The following PIWIL2 variants were observed in gnomAD, a reference collection of about 807,000 sequenced individuals.
PIWIL2 encodes the protein piwi-like protein 2.
In PIWIL2, 81 loss-of-function variants were observed where a neutral mutation model predicts 116.5. The ratio of observed to expected loss-of-function variants is 0.70; its 90% CI spans 0.58 to 0.84. PIWIL2 has a LOEUF of 0.84. Ranked by LOEUF, PIWIL2 falls within the 40% of genes least tolerant of loss-of-function variation. PIWIL2 has a pLI of 0.00. For missense variants in PIWIL2, 1,272 were observed against 1,212.3 expected (o/e 1.05, Z -0.73); for synonymous variants, 489 against 429.5 (o/e 1.14, Z -1.71).
At chr8:22,321,528 C>T (rs1831599514) in intron 20 of PIWIL2, among the ~76,000 whole-genome samples, 1 of 151,740 alleles carries the variant, frequency 6.6e-6, no homozygotes, top group African/African-American at 2.4e-5. Context: ...AACTGTTTTG[C>T]AAAATGAAGA....
chr8:22,337,745 TAATA>T (rs1412576532), intron 20 of PIWIL2, among the ~76,000 whole-genome samples: 13 of 151,552 alleles, frequency 8.6e-5, no homozygotes, highest in South Asian at 2.1e-4. Context: ...AAAAAATTAA[TAATA>T]AATAAATAAT....
intron 10 of PIWIL2, among the ~76,000 whole-genome samples, chr8:22,291,373 A>T (rs1460895288): frequency 6.7e-6 from 1 of 149,014 alleles, no homozygotes; most frequent in Non-Finnish European, 1.5e-5. Flanking sequence ...CTCGTCTTGA[A>T]CTCCTGAGCT....
chr8:22,307,430 A>G (rs1372842126), intron 13 of PIWIL2, among the ~76,000 whole-genome samples: 4 of 150,986 alleles, frequency 2.6e-5, no homozygotes, highest in African/African-American at 9.8e-5. Context: ...TCCACACATC[A>G]TGAAAGAGAG....
chr8:22,288,642 C>G lies in PIWIL2; in HGVS notation c.962C>G (p.Pro321Arg). The change falls in exon 8 of 23, where the codon CCC becomes CGC. Residue 321 changes from proline (P) to arginine (R), a missense_variant. Physicochemically the swap from Pro to Arg is moderately radical, Grantham distance 103. Coordinates refer to ENST00000356766, the MANE Select transcript of PIWIL2 (RefSeq NM_018068.5). ...ILEPCSDLCI[P>R]FYNVVFRRVM... ...GAGCCCTGCTCTGACCTGTGCATTC[C>G]CTTCTACAATGTTGTTTTCCGTCGG... 2 of 1,611,128 alleles carry G rather than the reference C, an allele frequency of 1.2e-6. No homozygotes were observed.
chr8:22,277,031 A>ATT (rs201141722), intron 1 of PIWIL2, among the ~76,000 whole-genome samples: 12 of 136,716 alleles, frequency 8.8e-5, no homozygotes, highest in African/African-American at 3.6e-4. Flanking sequence ...ATATATATAT[A>ATT]TATTTTTTTT....
chr8:22,322,985 C>A (rs751952501), intron 20 of PIWIL2, among the ~76,000 whole-genome samples: 1 of 151,822 alleles, frequency 6.6e-6, no homozygotes, highest in Non-Finnish European at 1.5e-5. Flanking sequence ...GGTATGATCT[C>A]GGCTCACTGC....
Position 22,315,012 on chromosome 8 carries a change from T to TGGTC in PIWIL2, c.2092-16_2092-13dup. ...GTGACCTGCTTCTCCTGACACCTTT[T>TGGTC]GGTCCCTTCATTATAGGTTGTCAAT... is the stretch of plus-strand genomic sequence containing the variant. On this transcript the variant is annotated splice_polypyrimidine_tract_variant and intron_variant, in intron 17 of 22. Transcript: ENST00000356766. 6.8e-7 allele frequency: 1 copy of TGGTC among 1,460,592 alleles called. No homozygotes were observed. The highest frequency in any genetic ancestry group is 9.6e-7 in the Non-Finnish European group (1 of 1,040,300). 90.5% of individuals were successfully genotyped at this position (1,460,592 alleles called of 1,614,324 possible). A position where few individuals can be genotyped will look rare whatever the true frequency, so the allele number is the denominator to read the frequency against.
chr8:22,317,600 T>C (rs577444537), intron 19 of PIWIL2, among the ~76,000 whole-genome samples: 2 of 152,308 alleles, frequency 1.3e-5, no homozygotes, highest in South Asian at 2.1e-4. Flanking sequence ...ATTTTTTCTA[T>C]TGGAGCAGTT....
chr8:22,286,567 A>G (rs1463818453), intron 6 of PIWIL2, among the ~76,000 whole-genome samples: 1 of 152,042 alleles, frequency 6.6e-6, no homozygotes, highest in East Asian at 1.9e-4. Flanking sequence ...GAGGAGGGAG[A>G]GTTGCTTGAG....
intron 20 of PIWIL2, among the ~76,000 whole-genome samples, chr8:22,326,432 G>A (rs917933325): frequency 6.6e-6 from 1 of 152,088 alleles, no homozygotes; most frequent in Non-Finnish European, 1.5e-5. Flanking sequence ...TGAGGTAAGA[G>A]GATCTCTAGT....
In PIWIL2 at chr8:22,287,536, T is replaced by C; in HGVS notation, c.752T>C (p.Val251Ala). 6.2e-7 allele frequency: 1 copy of C among 1,608,024 alleles called. No individual in the cohort carries two copies. Among genetic ancestry groups the C allele is most frequent in the Non-Finnish European group, 8.5e-7 (1 of 1,174,428 alleles). The change falls in exon 7 of 23, where the codon GTG (valine) becomes GCG (alanine). Residue 251 changes from valine (V) to alanine (A), a missense_variant. Physicochemically the swap from Val to Ala is moderately conservative, Grantham distance 64 (BLOSUM62 0). Coordinates refer to ENST00000356766, the MANE Select transcript of PIWIL2 (RefSeq NM_018068.5). The stretch of plus-strand genomic sequence containing the variant: ...TCTTCATTATTTTCCAGCCCCAATG[T>C]GGAGTGCAAAAGCATGAGGTTCGGC... ...YQYHVTFSPN[V>A]ECKSMRFGML...
intron 20 of PIWIL2, among the ~76,000 whole-genome samples, chr8:22,323,143 C>CTTTTTTTTTTTTTT (rs138180864): frequency 1.3e-5 from 1 of 78,024 alleles, no homozygotes; most frequent in Non-Finnish European, 2.2e-5. Context: ...TAGTCTTGAT[C>CTTTTTTTTTTTTTT]TTTTTTTTTT....
At position 22,281,413 on chromosome 8, in the gene PIWIL2, T is replaced by C. The variant is rs772083736; in HGVS notation, c.323T>C (p.Leu108Pro). ...GILGRGLSAN[L>P]VRKDREELSP... ...TTAGGTCGAGGCTTGTCTGCTAATC[T>C]GGTACGCAAGGACAGGGAGGAACTC... Residue 108 changes from leucine (L) to proline (P), a missense_variant, in exon 4 of 23, where the codon CTG becomes CCG. Physicochemically the swap from Leu to Pro is moderately conservative, Grantham distance 98. Transcript: ENST00000356766. 1.2e-6 allele frequency: 2 copies of C among 1,608,220 alleles called. No homozygotes were observed. The highest frequency in any genetic ancestry group is 2.2e-5 in the South Asian group (2 of 89,736).
At chr8:22,316,605 C>T (rs934334413) in intron 19 of PIWIL2, among the ~76,000 whole-genome samples, 2 of 151,854 alleles carry the variant, frequency 1.3e-5, no homozygotes, top group Admixed American at 1.3e-4. Context: ...CCTCAGCCTC[C>T]CCAGTAGCTG....
At chr8:22,286,015 T>C (rs545281198) in intron 6 of PIWIL2, among the ~76,000 whole-genome samples, 1 of 152,256 alleles carries the variant, frequency 6.6e-6, no homozygotes, top group South Asian at 2.1e-4. Flanking sequence ...AGCTGCTAGT[T>C]GATGACACAA....
At chr8:22,305,897 T>A in intron 12 of PIWIL2, 30 bp from the exon 13 acceptor site, 2 of 1,553,798 alleles carry the variant, frequency 1.3e-6, no homozygotes, top group Non-Finnish European at 1.8e-6. Flanking sequence ...TTGTACTGCC[T>A]TATTTTCCCT....
At chr8:22,322,189 T>G (rs189276064) in intron 20 of PIWIL2, among the ~76,000 whole-genome samples, 77 of 152,304 alleles carry the variant, frequency 5.1e-4, no homozygotes, top group African/African-American at 1.8e-3. Flanking sequence ...TTTCCTTGAA[T>G]AGTTGATTTT....
chr8:22,288,500 A>C, intron 7 of PIWIL2, 42 bp from the exon 8 acceptor site: 1 of 1,561,558 alleles, frequency 6.4e-7, no homozygotes, highest in East Asian at 2.2e-5. Flanking sequence ...ATTAGTTCTT[A>C]GTTTTGTCAT....
intron 13 of PIWIL2, among the ~76,000 whole-genome samples, chr8:22,306,543 G>C (rs968042370): frequency 6.6e-6 from 1 of 152,140 alleles, no homozygotes; most frequent in African/African-American, 2.4e-5. Context: ...GATGGGTACA[G>C]CACCTAGCAC....
Sources: allele counts gnomAD v4.1 joint callset (sites outside exome capture counted in the v4.1 genomes callset), GRCh38; gene constraint gnomAD v4.1.1; transcripts MANE v1.5; gene names NCBI Gene and HGNC (gene_info 2026-07-23, HGNC 2026-07-21).